The following AIF1L variants were observed in gnomAD, a reference collection of about 807,000 sequenced individuals.
AIF1L encodes the protein allograft inflammatory factor 1-like.
AIF1L carries 12 observed loss-of-function variants against 20.7 expected under a neutral mutation model. The ratio of observed to expected loss-of-function variants is 0.58; its 90% CI spans 0.37 to 0.94. The LOEUF is 0.94. Ranked by LOEUF, AIF1L falls within the 40% of genes least tolerant of loss-of-function variation. The pLI is 0.01. For missense variants in AIF1L, 173 were observed against 185.3 expected (o/e 0.93, Z 0.39); for synonymous variants, 76 against 65.1 (o/e 1.17, Z -0.81).
intron 5 of AIF1L, among the ~76,000 whole-genome samples, 179 bp from the exon 6 acceptor site, chr9:131,120,056 C>G (rs1831102264): frequency 6.6e-6 from 1 of 152,162 alleles, no homozygotes; most frequent in Non-Finnish European, 1.5e-5. Flanking sequence ...TAAAATGGGA[C>G]TAGCAGCCCC....
rs1172816990 is a variant in AIF1L at position 131,096,793 on chromosome 9, C to T, written c.32-9C>T. On this transcript the variant is annotated splice_polypyrimidine_tract_variant and intron_variant, in intron 1 of 5. Coordinates refer to ENST00000247291, the MANE Select transcript of AIF1L (RefSeq NM_031426.4). ...CCCGCTTCCCAGGCCGCCTCTTTGT[C>T]TCCTCCAGGAGGGAAGGCGTTCGGC... is the stretch of plus-strand genomic sequence containing the variant. The T allele has an allele frequency of 6.6e-7, 1 of 1,523,934 alleles. No individual in the cohort carries two copies. Among genetic ancestry groups the T allele is most frequent in the Admixed American group, 2.1e-5 (1 of 47,506 alleles). The allele number at this position is 1,523,934 out of a possible 1,614,324, so 94.4% of individuals were successfully genotyped here.
At chr9:131,119,291 AG>A (rs1192664446) in intron 5 of AIF1L, among the ~76,000 whole-genome samples, 1 of 152,212 alleles carries the variant, frequency 6.6e-6, no homozygotes, top group Non-Finnish European at 1.5e-5. Context: ...ACCTGAGGTC[AG>A]GAGTTCGAGA....
At chr9:131,110,662 C>T (rs2133390933) in intron 2 of AIF1L, among the ~76,000 whole-genome samples, 1 of 151,862 alleles carries the variant, frequency 6.6e-6, no homozygotes, top group African/African-American at 2.4e-5. Context: ...CACCTCTATG[C>T]CCAACTAATT....
rs1830666486 is a variant in AIF1L, at chr9:131,102,826, T to C, written c.93+5963T>C. On this transcript the variant is annotated intron_variant, in intron 2 of 5. Coordinates refer to ENST00000247291, the MANE Select transcript of AIF1L (RefSeq NM_031426.4). ...GCGTCAGAGGTCCTACGCCCCGGCATGGTGCTTCCTGTCCTTGGAGTTCTT... is the reference window on the plus strand; with the variant it reads ...GCGTCAGAGGTCCTACGCCCCGGCACGGTGCTTCCTGTCCTTGGAGTTCTT... 8.8e-6 allele frequency: 4 copies of C among 453,678 alleles called. No individual in the cohort carries two copies. In the Admixed American group the frequency reaches 9.4e-5, roughly 11 times the overall value. 28.1% of individuals were successfully genotyped at this position (453,678 alleles called of 1,614,324 possible).
Position 131,121,074 on chromosome 9 carries a change from G to GA in AIF1L, c.*752_*753insA, listed in dbSNP as rs1554726636. The GA allele has an allele frequency of 1.6e-6, 1 of 630,990 alleles. No homozygotes were observed. The highest frequency in any genetic ancestry group is 2.9e-6 in the Non-Finnish European group (1 of 349,218). 39.1% of individuals were successfully genotyped at this position (630,990 alleles called of 1,614,324 possible). On this transcript the variant is annotated 3_prime_UTR_variant, in exon 6 of 6. Transcript: ENST00000247291. ...AGGCAGAAGTGAGGCCTGGGGTTTT[G>GA]GGGGAAAGGTCAGCTCAGTGCTGTT...
At chr9:131,096,726 CGGGAAGCGGGCGGGGACGGGGGCGCGT>C (rs1830536327) in intron 1 of AIF1L, 49 bp from the exon 2 acceptor site, 1 of 1,450,652 alleles carries the variant, frequency 6.9e-7, no homozygotes, top group Non-Finnish European at 9.0e-7. Context: ...CCACCGCGCG[CGGGAAGCGGGCGGGGACGGGGGCGCGT>C]GGCCCGAAGA....
Position 131,120,299 on chromosome 9 carries a change from A to G in AIF1L, c.430A>G (p.Arg144Gly). 6.2e-7 allele frequency: 1 copy of G among 1,613,416 alleles called. No homozygotes were observed. Among genetic ancestry groups the G allele is most frequent in the Non-Finnish European group, 8.5e-7 (1 of 1,179,816 alleles). The change falls in exon 6 of 6, where the codon AGA (arginine) becomes GGA (glycine). Residue 144 changes from arginine (R) to glycine (G), a missense_variant. Transcript: ENST00000247291. Reference sequence around the variant, plus strand: ...CAAGCCAGTTGGCCCCCCTCCAGAGAGAGACATTGCTAGCCTGCCCTGAGG... The same window carrying G: ...CAAGCCAGTTGGCCCCCCTCCAGAGGGAGACATTGCTAGCCTGCCCTGAGG... ...SPKPVGPPPE[R>G]DIASLP
In AIF1L at chr9:131,096,946, C is replaced by G. The variant is rs944565988; in HGVS notation, c.93+83C>G. On this transcript the variant is annotated intron_variant, in intron 2 of 5. Coordinates refer to ENST00000247291, the MANE Select transcript of AIF1L (RefSeq NM_031426.4). ...ACCTCTCCTTCCGCGAGGCCGTGCC[C>G]GCCTCCAGATCTACCCTCTTCCTTC... 33 of 1,400,132 alleles carry G rather than the reference C, an allele frequency of 2.4e-5. No individual in the cohort carries two copies. The African/African-American group carries it at 3.9e-4, about 17-fold the overall frequency. 86.7% of individuals were successfully genotyped at this position (1,400,132 alleles called of 1,614,324 possible). A position where few individuals can be genotyped will look rare whatever the true frequency, so the allele number is the denominator to read the frequency against.
In AIF1L at chr9:131,121,057, G is replaced by A. The variant is rs974231603; in HGVS notation, c.*735G>A. On this transcript the variant is annotated 3_prime_UTR_variant, in exon 6 of 6. Coordinates refer to ENST00000247291, the MANE Select transcript of AIF1L (RefSeq NM_031426.4). ...GCAGCAGAGGGCTTCGGAGGCAGAA[G>A]TGAGGCCTGGGGTTTTGGGGGAAAG... The A allele has an allele frequency of 2.9e-6, 2 of 696,600 alleles. No homozygotes were observed. The highest frequency in any genetic ancestry group is 5.3e-6 in the Non-Finnish European group (2 of 376,908). 43.2% of individuals were successfully genotyped at this position (696,600 alleles called of 1,614,324 possible).
rs1448222943 is a variant in AIF1L at position 131,106,772 on chromosome 9, TTGAGAAGGTGACATTC to T, written c.94-4824_94-4809del. On this transcript the variant is annotated intron_variant, in intron 2 of 5. Transcript: ENST00000247291. ...CAAAGAATAAATAGGGTCGGCCGCA[TTGAGAAGGTGACATTC>T]GGCCGCATTGAGAAGGTGACATTGA... Among the ~76,000 whole-genome samples, 120 of 89,866 alleles carry T rather than the reference TTGAGAAGGTGACATTC, an allele frequency of 1.3e-3. 1 individual carries two copies. Among genetic ancestry groups the T allele is most frequent in the African/African-American group, 6.2e-3 (114 of 18,518 alleles). The allele number at this position is 89,866 out of a possible 152,430, so 59.0% of individuals were successfully genotyped here.
chr9:131,123,056 GTGGA>G lies in AIF1L; in HGVS notation c.*2737_*2740del, dbSNP rs1458833430. 4 of 152,572 alleles carry G rather than the reference GTGGA, an allele frequency of 2.6e-5. No homozygotes were observed. Among genetic ancestry groups the G allele is most frequent in the Non-Finnish European group, 4.4e-5 (3 of 68,110 alleles). 9.5% of individuals were successfully genotyped at this position (152,572 alleles called of 1,614,324 possible). The stretch of plus-strand genomic sequence containing the variant: ...AGGAGGGTTTGTCGGGCAAATTCAG[GTGGA>G]TGAAGTATGTGTGTGCGTGTGCATG... On this transcript the variant is annotated 3_prime_UTR_variant, in exon 6 of 6. Transcript: ENST00000247291.
At chr9:131,099,788 G>A (rs1035876668) in intron 2 of AIF1L, among the ~76,000 whole-genome samples, 6 of 145,536 alleles carry the variant, frequency 4.1e-5, no homozygotes, top group Admixed American at 7.0e-5. Flanking sequence ...GTGCAGTGGC[G>A]TGATCTCAGT....
rs1830539561 is a variant in AIF1L at position 131,096,846 on chromosome 9, C to G, written c.76C>G (p.Leu26Val). 1.3e-6 allele frequency: 2 copies of G among 1,537,786 alleles called. No individual in the cohort carries two copies. The highest frequency in any genetic ancestry group is 1.2e-5 in the South Asian group (1 of 82,764). The stretch of plus-strand genomic sequence containing the variant: ...GCTCAAAGCCCGGCAGGAGAGGAGG[C>G]TGGCCGAGATCAACCGGGTAAGCCC... ...GLLKARQERRLAEINREFLCD... is the reference protein window; with the variant it reads ...GLLKARQERRVAEINREFLCD... Residue 26 changes from leucine to valine, a missense_variant, in exon 2 of 6, where the codon CTG (leucine) becomes GTG (valine). Coordinates refer to ENST00000247291, the MANE Select transcript of AIF1L (RefSeq NM_031426.4).
At position 131,120,903 on chromosome 9, in the gene AIF1L, G is replaced by A; in HGVS notation, c.*581G>A. ...TCTCATCCTCAGTGATGTGAAGGTG[G>A]GAAGGAAAGGAGCTTGGCATTGGGA... On this transcript the variant is annotated 3_prime_UTR_variant, in exon 6 of 6. Coordinates refer to ENST00000247291, the MANE Select transcript of AIF1L (RefSeq NM_031426.4). The A allele has an allele frequency of 2.0e-6, 1 of 496,246 alleles. No homozygotes were observed. The highest frequency in any genetic ancestry group is 3.6e-6 in the Non-Finnish European group (1 of 276,008). The allele number at this position is 496,246 out of a possible 1,614,324, so 30.7% of individuals were successfully genotyped here. A position where few individuals can be genotyped will look rare whatever the true frequency, so the allele number is the denominator to read the frequency against.
chr9:131,119,254 G>A (rs184786), intron 5 of AIF1L, among the ~76,000 whole-genome samples: 125,134 of 152,160 alleles, frequency 0.82, 53,618 homozygotes, highest in Non-Finnish European at 0.94. Context: ...TAATCCCAGC[G>A]CTTCGGGAGG....
intron 2 of AIF1L, among the ~76,000 whole-genome samples, chr9:131,110,450 C>T (rs1324206213): frequency 1.3e-5 from 2 of 151,862 alleles, no homozygotes; most frequent in Non-Finnish European, 2.9e-5. Context: ...CAGTCATTTT[C>T]CCGTTAGAGC....
intron 2 of AIF1L, among the ~76,000 whole-genome samples, chr9:131,099,567 T>C (rs1255496074): frequency 6.6e-6 from 1 of 152,174 alleles, no homozygotes; most frequent in Non-Finnish European, 1.5e-5. Context: ...CCTGCTTCTG[T>C]GCCAGGCAGC....
In AIF1L at chr9:131,106,386, G is replaced by A. The variant is rs1000582158; in HGVS notation, c.94-5211G>A. 4.1e-6 allele frequency: 3 copies of A among 729,436 alleles called. No individual in the cohort carries two copies. The African/African-American group carries it at 5.2e-5, about 13-fold the overall frequency. The allele number at this position is 729,436 out of a possible 1,614,324, so 45.2% of individuals were successfully genotyped here. A position where few individuals can be genotyped will look rare whatever the true frequency, so the allele number is the denominator to read the frequency against. The stretch of plus-strand genomic sequence containing the variant: ...AGAGAGGGTGTAGTAACCTCAGTAA[G>A]CAGTGGCAGTGGAAATCATGTTTGG... On this transcript the variant is annotated intron_variant, in intron 2 of 5. Transcript: ENST00000247291.
chr9:131,105,681 T>A (rs940904281), intron 2 of AIF1L, among the ~76,000 whole-genome samples: 1 of 152,118 alleles, frequency 6.6e-6, no homozygotes, highest in Non-Finnish European at 1.5e-5. Flanking sequence ...AAAATAGGAT[T>A]CCAAACCCTA....
Sources: allele counts gnomAD v4.1 joint callset (sites outside exome capture counted in the v4.1 genomes callset), GRCh38; gene constraint gnomAD v4.1.1; transcripts MANE v1.5; gene names NCBI Gene and HGNC (gene_info 2026-07-23, HGNC 2026-07-21).